The following XRCC4 variants were observed in gnomAD, a reference collection of about 807,000 sequenced individuals.
XRCC4 encodes the protein DNA repair protein XRCC4.
Under a neutral mutation model 39.1 loss-of-function variants are expected in XRCC4, and 28 were observed. That is an observed-to-expected ratio of 0.72 (90% confidence interval 0.53 to 0.98). The LOEUF (loss-of-function observed/expected upper bound fraction) is 0.98. Among genes scored for constraint, XRCC4 ranks in the 50% least tolerant of loss-of-function variants. The probability of loss-of-function intolerance (pLI) is 0.00; values close to 1 mark genes in which losing one functional copy is unlikely to be tolerated. For synonymous variants in XRCC4, 123 were observed against 126.4 expected, an observed-to-expected ratio of 0.97 and a Z score of 0.18; for missense variants, 350 against 376.4, an observed-to-expected ratio of 0.93 and a Z score of 0.58.
intron 7 of XRCC4, among the ~76,000 whole-genome samples, chr5:83,278,712 G>A (rs1214630324): frequency 2.0e-5 from 3 of 151,912 alleles, no homozygotes; most frequent in East Asian, 1.9e-4. Context: ...GAGGCCAGGC[G>A]CAGTGGCTCA....
At chr5:83,287,202 T>G (rs897526596) in intron 7 of XRCC4, among the ~76,000 whole-genome samples, 1 of 152,080 alleles carries the variant, frequency 6.6e-6, no homozygotes, top group Non-Finnish European at 1.5e-5. Flanking sequence ...AGGGCATGAA[T>G]TTTGAAAAGA....
chr5:83,228,363 G>A (rs920206595), intron 6 of XRCC4, among the ~76,000 whole-genome samples: 1 of 151,872 alleles, frequency 6.6e-6, no homozygotes, highest in African/African-American at 2.4e-5. Flanking sequence ...ATTACTTGCA[G>A]GAAAAACCAT....
chr5:83,286,975 G>T (rs1754755770), intron 7 of XRCC4, among the ~76,000 whole-genome samples: 1 of 152,100 alleles, frequency 6.6e-6, no homozygotes, highest in Non-Finnish European at 1.5e-5. Context: ...GTAATCAGTA[G>T]TAGGAGACTG....
At chr5:83,180,089 C>A (rs1190705908) in intron 3 of XRCC4, among the ~76,000 whole-genome samples, 1 of 152,108 alleles carries the variant, frequency 6.6e-6, no homozygotes, top group Non-Finnish European at 1.5e-5. Flanking sequence ...GAATTTTTAT[C>A]ATTTCTTCAG....
At chr5:83,127,058 G>A (rs1422081114) in intron 3 of XRCC4, among the ~76,000 whole-genome samples, 1 of 152,088 alleles carries the variant, frequency 6.6e-6, no homozygotes, top group Non-Finnish European at 1.5e-5. Context: ...TGTTCCTTGA[G>A]TCTCACCCAT....
intron 3 of XRCC4, among the ~76,000 whole-genome samples, chr5:83,148,757 T>C (rs931624815): frequency 4.6e-5 from 7 of 152,048 alleles, no homozygotes; most frequent in Non-Finnish European, 8.8e-5. Flanking sequence ...GGTGAAGGTA[T>C]CAGTGGTTGA....
At chr5:83,321,323 C>G (rs923351132) in intron 7 of XRCC4, among the ~76,000 whole-genome samples, 1 of 152,140 alleles carries the variant, frequency 6.6e-6, no homozygotes, top group Non-Finnish European at 1.5e-5. Flanking sequence ...AAGTTTATAT[C>G]AGTTTCACTT....
chr5:83,340,299 T>TC (rs1226817372), intron 7 of XRCC4, among the ~76,000 whole-genome samples: 1 of 151,980 alleles, frequency 6.6e-6, no homozygotes, highest in South Asian at 2.1e-4. Context: ...CCCACCCTCT[T>TC]CCCCCAGAGA....
intron 1 of XRCC4, among the ~76,000 whole-genome samples, chr5:83,084,206 T>C (rs1002647180): frequency 6.6e-6 from 1 of 152,240 alleles, no homozygotes; most frequent in African/African-American, 2.4e-5. Flanking sequence ...ACCTTGTTTC[T>C]TAGGAAAAAG....
chr5:83,292,783 A>AT (rs1754962952), intron 7 of XRCC4, among the ~76,000 whole-genome samples: 1 of 151,680 alleles, frequency 6.6e-6, no homozygotes, highest in Non-Finnish European at 1.5e-5. Flanking sequence ...TAACTAAATG[A>AT]TTTTTTATAA....
At chr5:83,278,943 G>A (rs140682116) in intron 7 of XRCC4, among the ~76,000 whole-genome samples, 1,748 of 146,426 alleles carry the variant, frequency 0.012, 29 homozygotes, top group African/African-American at 0.042. Context: ...AGCCGAGATC[G>A]TGCCACTCCA....
intron 3 of XRCC4, among the ~76,000 whole-genome samples, chr5:83,168,640 A>G (rs1749592180): frequency 6.6e-6 from 1 of 152,182 alleles, no homozygotes; most frequent in Non-Finnish European, 1.5e-5. Flanking sequence ...GGAATTCTCA[A>G]CCAGAGACCA....
At chr5:83,282,002 G>T (rs1348040590) in intron 7 of XRCC4, among the ~76,000 whole-genome samples, 1 of 152,186 alleles carries the variant, frequency 6.6e-6, no homozygotes, top group Non-Finnish European at 1.5e-5. Context: ...GGAAATATTG[G>T]TGCTTCAAGG....
At chr5:83,287,062 T>G (rs371229066) in intron 7 of XRCC4, among the ~76,000 whole-genome samples, 1 of 152,098 alleles carries the variant, frequency 6.6e-6, no homozygotes, top group East Asian at 1.9e-4. Flanking sequence ...ATGTTGTGTA[T>G]CTAGGATTTG....
chr5:83,311,696 C>T (rs1755713898), intron 7 of XRCC4, among the ~76,000 whole-genome samples: 1 of 151,912 alleles, frequency 6.6e-6, no homozygotes, highest in East Asian at 1.9e-4. Flanking sequence ...AACATCAGAA[C>T]AAAAAGTTGT....
chr5:83,323,012 G>A (rs549174427), intron 7 of XRCC4, among the ~76,000 whole-genome samples: 2 of 152,224 alleles, frequency 1.3e-5, no homozygotes, highest in South Asian at 2.1e-4. Context: ...AATTGTTATA[G>A]TACAGCAAGA....
At chr5:83,148,583 C>A (rs1323783046) in intron 3 of XRCC4, among the ~76,000 whole-genome samples, 1 of 152,134 alleles carries the variant, frequency 6.6e-6, no homozygotes, top group Non-Finnish European at 1.5e-5. Flanking sequence ...GATATGACAT[C>A]ATTCACTATC....
chr5:83,242,606 G>A (rs2112850856), intron 6 of XRCC4, among the ~76,000 whole-genome samples: 1 of 151,962 alleles, frequency 6.6e-6, no homozygotes, highest in South Asian at 2.1e-4. Context: ...GCGCCACTAT[G>A]CCCAGTTTCT....
intron 7 of XRCC4, among the ~76,000 whole-genome samples, chr5:83,323,328 C>A (rs1038097071): frequency 1.3e-5 from 2 of 151,818 alleles, no homozygotes; most frequent in African/African-American, 4.8e-5. Flanking sequence ...TGTAAAGTAT[C>A]CTTGGAAAAT....
Sources: allele counts gnomAD v4.1 joint callset (sites outside exome capture counted in the v4.1 genomes callset), GRCh38; gene constraint gnomAD v4.1.1; transcripts MANE v1.5; gene names NCBI Gene and HGNC (gene_info 2026-07-23, HGNC 2026-07-21).